Variants in HSPBAP1 observed in about 807,000 individuals in gnomAD.
HSPBAP1 encodes HSPB1-associated protein 1.
In HSPBAP1, 27 loss-of-function variants were observed where a neutral mutation model predicts 45.2. The observed-to-expected ratio is 0.60, with a 90% CI of 0.44 to 0.82. The LOEUF is 0.82. HSPBAP1 is among the 40% of genes least tolerant of loss of function. The pLI is 0.00. For synonymous variants in HSPBAP1, 204 were observed against 202.7 expected, an observed-to-expected ratio of 1.01 and a Z score of -0.06; for missense variants, 510 against 590.9, an observed-to-expected ratio of 0.86 and a Z score of 1.42.
At chr3:122,771,707 G>GT (rs1553755075) in intron 2 of HSPBAP1, among the ~76,000 whole-genome samples, 3 of 152,156 alleles carry the variant, frequency 2.0e-5, no homozygotes, top group Non-Finnish European at 4.4e-5. Context: ...CACTGAGCAC[G>GT]TATCTTGGGA....
At chr3:122,756,442 T>C (rs1012513598) in intron 4 of HSPBAP1, among the ~76,000 whole-genome samples, 1 of 152,174 alleles carries the variant, frequency 6.6e-6, no homozygotes, top group African/African-American at 2.4e-5. Context: ...ACCTCAGCAC[T>C]TTGGGAGGCC....
rs778476862 is a variant in HSPBAP1, at chr3:122,740,720, G to A, written c.1092C>T (p.His364=). 2.5e-6 allele frequency: 4 copies of A among 1,614,086 alleles called. No homozygotes were observed. Among genetic ancestry groups the A allele is most frequent in the Non-Finnish European group, 3.4e-6 (4 of 1,180,038 alleles). ...GGCTACCTGTTTGGCCCACCTCCAT[G>A]TGGTTGCACACATTTAATTCTTCCT... ...MKKEELNVCN[H]MEVGQTGSQN... The change falls in exon 8 of 8, where the codon CAC becomes CAT. Residue 364 remains histidine (H), a synonymous_variant. Coordinates refer to ENST00000306103, the MANE Select transcript of HSPBAP1 (RefSeq NM_024610.6).
At chr3:122,744,688 T>C (rs144088630) in intron 6 of HSPBAP1, among the ~76,000 whole-genome samples, 1 of 152,230 alleles carries the variant, frequency 6.6e-6, no homozygotes, top group African/African-American at 2.4e-5. Flanking sequence ...CTGTTTATAG[T>C]CAACGATACT....
At chr3:122,791,874 A>C (rs1228266522) in intron 1 of HSPBAP1, among the ~76,000 whole-genome samples, 1 of 152,246 alleles carries the variant, frequency 6.6e-6, no homozygotes, top group South Asian at 2.1e-4. Context: ...AGAATTTTAC[A>C]TAAGGAAGAG....
intron 1 of HSPBAP1, among the ~76,000 whole-genome samples, chr3:122,783,461 A>G (rs79055357): frequency 0.054 from 8,240 of 152,300 alleles, 286 homozygotes; most frequent in Middle Eastern, 0.11. Flanking sequence ...TACTTGTACA[A>G]AACGTCAAAT....
rs1256615859 is a variant in HSPBAP1, at chr3:122,756,913, C to T, written c.570-1482G>A. The stretch of plus-strand genomic sequence containing the variant: ...GCTTCGAATGTTAGAGTTGGAAGGG[C>T]TCTGAAGAGATCATCAGTCTAATTT... On this transcript the variant is annotated intron_variant, in intron 4 of 7. Transcript: ENST00000306103. Among the ~76,000 whole-genome samples the T allele has an allele frequency of 3.3e-5, 5 of 152,200 alleles. No homozygotes were observed. The East Asian group carries it at 9.7e-4, about 29-fold the overall frequency.
intron 2 of HSPBAP1, among the ~76,000 whole-genome samples, chr3:122,770,587 G>C (rs1211464238): frequency 6.6e-6 from 1 of 152,162 alleles, no homozygotes; most frequent in Non-Finnish European, 1.5e-5. Context: ...TGTAGTTGCA[G>C]CTACTCGGGC....
intron 1 of HSPBAP1, among the ~76,000 whole-genome samples, chr3:122,787,138 T>G (rs1022073762): frequency 6.6e-6 from 1 of 152,176 alleles, no homozygotes; most frequent in African/African-American, 2.4e-5. Context: ...AAAAACAGAT[T>G]AGTGATCTGG....
At chr3:122,784,380 T>G (rs1308446786) in intron 1 of HSPBAP1, among the ~76,000 whole-genome samples, 4 of 152,208 alleles carry the variant, frequency 2.6e-5, no homozygotes, top group African/African-American at 9.7e-5. Context: ...ATGTACAGCA[T>G]ACACATACAC....
At chr3:122,788,922 A>AG (rs1935736258) in intron 1 of HSPBAP1, among the ~76,000 whole-genome samples, 1 of 152,214 alleles carries the variant, frequency 6.6e-6, no homozygotes, top group South Asian at 2.1e-4. Flanking sequence ...AATGGTTAAC[A>AG]TGGTAAATTT....
chr3:122,770,838 T>C (rs1246161001), intron 2 of HSPBAP1, among the ~76,000 whole-genome samples: 1 of 152,248 alleles, frequency 6.6e-6, no homozygotes, highest in Non-Finnish European at 1.5e-5. Context: ...CTCTGGGAAA[T>C]AGGAGTCATT....
intron 1 of HSPBAP1, among the ~76,000 whole-genome samples, chr3:122,782,645 C>T (rs1310623366): frequency 1.3e-5 from 2 of 152,286 alleles, no homozygotes; most frequent in South Asian, 2.1e-4. Flanking sequence ...CTCCTTTATA[C>T]TCTCTGACCC....
intron 1 of HSPBAP1, among the ~76,000 whole-genome samples, chr3:122,785,199 G>A (rs1935613715): frequency 6.6e-6 from 1 of 152,212 alleles, no homozygotes; most frequent in African/African-American, 2.4e-5. Flanking sequence ...GCTCCAGGGA[G>A]AGAGGAATGT....
chr3:122,790,487 G>C (rs1248454915), intron 1 of HSPBAP1, among the ~76,000 whole-genome samples: 1 of 152,096 alleles, frequency 6.6e-6, no homozygotes, highest in Non-Finnish European at 1.5e-5. Context: ...GTATCATATT[G>C]AGTATCATAT....
At chr3:122,749,132 A>G in intron 6 of HSPBAP1, among the ~76,000 whole-genome samples, 1 of 151,658 alleles carries the variant, frequency 6.6e-6, no homozygotes, top group South Asian at 2.1e-4. Flanking sequence ...ATATAAATAT[A>G]TCTATTCATT....
intron 6 of HSPBAP1, among the ~76,000 whole-genome samples, chr3:122,750,196 A>C (rs565039067): frequency 6.6e-6 from 1 of 151,942 alleles, no homozygotes; most frequent in Non-Finnish European, 1.5e-5. Context: ...GATGGTCTCG[A>C]TCTTTTGACC....
At chr3:122,791,628 G>A (rs1398018863) in intron 1 of HSPBAP1, among the ~76,000 whole-genome samples, 1 of 152,226 alleles carries the variant, frequency 6.6e-6, no homozygotes, top group African/African-American at 2.4e-5. Context: ...ATCTAGGGTT[G>A]GGGGGTGCAA....
intron 6 of HSPBAP1, among the ~76,000 whole-genome samples, chr3:122,747,941 G>A (rs976039306): frequency 4.6e-5 from 7 of 152,344 alleles, no homozygotes; most frequent in South Asian, 2.1e-4. Flanking sequence ...GAATAGAAAG[G>A]GGGGAACGGT....
At chr3:122,755,981 A>G (rs1934342544) in intron 4 of HSPBAP1, among the ~76,000 whole-genome samples, 1 of 152,228 alleles carries the variant, frequency 6.6e-6, no homozygotes, top group African/African-American at 2.4e-5. Flanking sequence ...GCAGTATAAT[A>G]TAGGAATTTT....
Sources: allele counts gnomAD v4.1 joint callset (sites outside exome capture counted in the v4.1 genomes callset), GRCh38; gene constraint gnomAD v4.1.1; transcripts MANE v1.5; gene names NCBI Gene and HGNC (gene_info 2026-07-23, HGNC 2026-07-21).